ACADL: variants seen among roughly 807,000 people sequenced by gnomAD.
The protein encoded by ACADL is long-chain specific acyl-CoA dehydrogenase, mitochondrial.
In ACADL, 60 loss-of-function variants were observed where a neutral mutation model predicts 56.9. The ratio of observed to expected loss-of-function variants is 1.05; its 90% CI spans 0.86 to 1.31. ACADL has a LOEUF of 1.31. Among genes scored for constraint, ACADL ranks in the 50% most tolerant of loss-of-function variants. The pLI is 0.00. For synonymous variants in ACADL, 158 were observed against 179.7 expected (o/e 0.88, Z 0.97); for missense variants, 484 against 525.5 (o/e 0.92, Z 0.77).
At chr2:210,204,814 T>C (rs1447173653) in intron 6 of ACADL, 132 bp from the exon 7 acceptor site, 3 of 713,654 alleles carry the variant, frequency 4.2e-6, no homozygotes, top group Non-Finnish European at 7.3e-6. Flanking sequence ...GAGTAGTTAA[T>C]GAACATAACT....
At chr2:210,195,748 A>G (rs766277608) in intron 8 of ACADL, among the ~76,000 whole-genome samples, 1 of 152,112 alleles carries the variant, frequency 6.6e-6, no homozygotes, top group East Asian at 1.9e-4. Flanking sequence ...TTTCTTTATT[A>G]ATGAAATTAA....
intron 10 of ACADL, among the ~76,000 whole-genome samples, chr2:210,190,927 T>TG (rs1387363314): frequency 2.7e-5 from 4 of 150,606 alleles, no homozygotes; most frequent in Admixed American, 6.6e-5. Context: ...TTGTTTGTTT[T>TG]TTTTTTTTTG....
chr2:210,225,187 CGCGCGGCGGGCAGCTG>C lies in ACADL; in HGVS notation c.61_76del (p.Gln21AspfsTer11). The C allele has an allele frequency of 2.0e-6, 3 of 1,532,776 alleles. No individual in the cohort carries two copies. The highest frequency in any genetic ancestry group is 4.9e-5 in the East Asian group (2 of 40,500). 94.9% of individuals were successfully genotyped at this position (1,532,776 alleles called of 1,614,324 possible). A position where few individuals can be genotyped will look rare whatever the true frequency, so the allele number is the denominator to read the frequency against. On this transcript the variant is annotated frameshift_variant and splice_region_variant, in exon 1 of 11. Coordinates refer to ENST00000233710, the MANE Select transcript of ACADL (RefSeq NM_001608.4). LOFTEE classifies it high-confidence loss of function. ...CGCGGAAGTCCCGGCTGGCACTCAC[CGCGCGGCGGGCAGCTG>C]GCGCGGCGCACGGTGGCCGCCCAGG...
intron 8 of ACADL, 87 bp from the exon 9 acceptor site, chr2:210,195,425 A>G (rs1559633416): frequency 1.1e-5 from 15 of 1,414,072 alleles, no homozygotes; most frequent in Non-Finnish European, 1.5e-5. Flanking sequence ...ATTATACAAT[A>G]AAAGATCTTT....
At chr2:210,204,237 C>A (rs1475831026) in intron 7 of ACADL, among the ~76,000 whole-genome samples, 1 of 152,086 alleles carries the variant, frequency 6.6e-6, no homozygotes, top group African/African-American at 2.4e-5. Context: ...TAAAAACTGG[C>A]AAACTATCAA....
At chr2:210,218,599 T>G (rs1396610053) in intron 2 of ACADL, 1 of 155,732 alleles carries the variant, frequency 6.4e-6, no homozygotes, top group Non-Finnish European at 1.4e-5. Flanking sequence ...CTCCTCTTAT[T>G]TATATTTGCC....
At chr2:210,192,734 T>G in intron 10 of ACADL, 70 bp downstream of exon 10, 2 of 1,138,952 alleles carry the variant, frequency 1.8e-6, no homozygotes, top group South Asian at 1.3e-5. Context: ...CTACATTTGA[T>G]GTACAAAGTA....
Position 210,225,238 on chromosome 2 carries a change from G to T in ACADL, c.26C>A (p.Ser9Tyr). MAARLLRGSLRVLGGHRAP... is the reference protein window; with the variant it reads MAARLLRGYLRVLGGHRAP... Reference sequence around the variant, plus strand: ...ACGGTGGCCGCCCAGGACGCGTAGGGACCCTCGGAGAAGGCGTGCGGCCAT... The same window carrying T: ...ACGGTGGCCGCCCAGGACGCGTAGGTACCCTCGGAGAAGGCGTGCGGCCAT... The change falls in exon 1 of 11, where the codon TCC becomes TAC. Residue 9 changes from serine (S) to tyrosine (Y), a missense_variant. Physicochemically the swap from Ser to Tyr is moderately radical, Grantham distance 144 (BLOSUM62 -2). Transcript: ENST00000233710. The T allele has an allele frequency of 6.4e-7, 1 of 1,556,648 alleles. No homozygotes were observed.
Position 210,210,225 on chromosome 2 carries a change from CA to C in ACADL, c.573del (p.Asp191GlufsTer19). On this transcript the variant is annotated frameshift_variant, in exon 5 of 11. Transcript: ENST00000233710. LOFTEE classifies it high-confidence loss of function. ...LQGIKTNAKK[D>X]GSDWILNGSK... is the part of the protein sequence containing the mutation. Reference sequence around the variant, plus strand: ...CTTCCATTGAGAATCCAGTCACTTCCATCCTTTTTAGCATTTGTTTTTATTC... The same window carrying C: ...CTTCCATTGAGAATCCAGTCACTTCCTCCTTTTTAGCATTTGTTTTTATTC... 1 of 1,612,820 alleles carries C rather than the reference CA, an allele frequency of 6.2e-7. No individual in the cohort carries two copies. Among genetic ancestry groups the C allele is most frequent in the Non-Finnish European group, 8.5e-7 (1 of 1,179,116 alleles).
chr2:210,220,910 G>T, intron 1 of ACADL, 108 bp from the exon 2 acceptor site: 1 of 933,732 alleles, frequency 1.1e-6, no homozygotes. Flanking sequence ...AACTTGAGAG[G>T]CAAGTAGAAA....
At chr2:210,214,491 G>GAAAGA (rs1689043443) in intron 4 of ACADL, among the ~76,000 whole-genome samples, 3 of 149,894 alleles carry the variant, frequency 2.0e-5, no homozygotes, top group African/African-American at 7.5e-5. Context: ...AAGAAAGAAA[G>GAAAGA]AAAGAAAGAA....
At position 210,225,204 on chromosome 2, in the gene ACADL, G is replaced by T. The variant is rs187237868; in HGVS notation, c.60C>A (p.Arg20=). The change falls in exon 1 of 11, where the codon CGC becomes CGA. Residue 20 remains arginine (R), a synonymous_variant. Transcript: ENST00000233710. ...LRVLGGHRAP[R]QLPAARCSHS... is the part of the protein sequence containing the mutation. ...GCACTCACCGCGCGGCGGGCAGCTG[G>T]CGCGGCGCACGGTGGCCGCCCAGGA... The T allele has an allele frequency of 4.5e-6, 7 of 1,539,162 alleles. No individual in the cohort carries two copies. The highest frequency in any genetic ancestry group is 2.2e-4 in the Middle Eastern group (1 of 4,580).
rs750296217 is a variant in ACADL, at chr2:210,225,190, G to A, written c.74C>T (p.Ala25Val). 49 of 1,533,296 alleles carry A rather than the reference G, an allele frequency of 3.2e-5. No individual in the cohort carries two copies. The South Asian group carries it at 4.9e-4, about 15-fold the overall frequency. The allele number at this position is 1,533,296 out of a possible 1,614,324, so 95.0% of individuals were successfully genotyped here. The change falls in exon 1 of 11, where the codon GCG becomes GTG. Residue 25 changes from alanine to valine, a missense_variant. Physicochemically the swap from Ala to Val is moderately conservative, Grantham distance 64 (BLOSUM62 0). Transcript: ENST00000233710. ...GGAAGTCCCGGCTGGCACTCACCGC[G>A]CGGCGGGCAGCTGGCGCGGCGCACG... ...GHRAPRQLPA[A>V]RCSHSGGEER...
intron 1 of ACADL, among the ~76,000 whole-genome samples, chr2:210,222,508 C>CAAAAAAAAA (rs797000679): frequency 2.0e-4 from 16 of 81,220 alleles, no homozygotes; most frequent in Middle Eastern, 9.3e-3. Flanking sequence ...AACAAACAAA[C>CAAAAAAAAA]AAAAAAAAAA....
chr2:210,217,531 A>G (rs1425037769), intron 3 of ACADL: 1 of 161,742 alleles, frequency 6.2e-6, no homozygotes, highest in East Asian at 1.8e-4. Flanking sequence ...TCATTTAAAA[A>G]AACATATTTG....
At chr2:210,197,374 C>A (rs1447950927) in intron 8 of ACADL, among the ~76,000 whole-genome samples, 1 of 152,040 alleles carries the variant, frequency 6.6e-6, no homozygotes, top group Non-Finnish European at 1.5e-5. Context: ...TTAATTTTTT[C>A]TATCTCCATT....
At chr2:210,221,427 G>A (rs72990901) in intron 1 of ACADL, among the ~76,000 whole-genome samples, 9,096 of 152,124 alleles carry the variant, frequency 0.06, 414 homozygotes, top group Middle Eastern at 0.21. Flanking sequence ...AGCTCCTTTA[G>A]TTCAGTGGTC....
intron 3 of ACADL, among the ~76,000 whole-genome samples, chr2:210,217,243 T>C (rs551196194): frequency 6.6e-6 from 1 of 152,282 alleles, no homozygotes; most frequent in African/African-American, 2.4e-5. Context: ...AGCATCTATT[T>C]TTCCTATTAA....
chr2:210,210,516 GCCCAACTAACATTCGAGA>G (rs774330009), intron 4 of ACADL, among the ~76,000 whole-genome samples: 1 of 152,124 alleles, frequency 6.6e-6, no homozygotes, highest in Non-Finnish European at 1.5e-5. Flanking sequence ...GTATAACAAA[GCCCAACTAACATTCGAGA>G]CCCCAGTGGG....
Sources: allele counts gnomAD v4.1 joint callset (sites outside exome capture counted in the v4.1 genomes callset), GRCh38; gene constraint gnomAD v4.1.1; transcripts MANE v1.5; gene names NCBI Gene and HGNC (gene_info 2026-07-23, HGNC 2026-07-21).